LRFN5: variants seen among roughly 807,000 people sequenced by gnomAD.
LRFN5 encodes the protein leucine rich repeat and fibronectin type III domain containing 5, also known as leucine-rich repeat and fibronectin type-III domain-containing protein 5.
LRFN5 carries 24 observed loss-of-function variants against 45.6 expected under a neutral mutation model. The observed-to-expected ratio is 0.53, with a 90% CI of 0.38 to 0.74. The LOEUF is 0.74. LRFN5 is among the 30% of genes least tolerant of loss of function. The pLI is 0.00. For missense variants in LRFN5, 776 were observed against 861.5 expected, an observed-to-expected ratio of 0.90 and a Z score of 1.24; for synonymous variants, 340 against 313.8, an observed-to-expected ratio of 1.08 and a Z score of -0.88.
At chr14:41,669,805 A>G (rs1881079505) in intron 1 of LRFN5, among the ~76,000 whole-genome samples, 1 of 151,226 alleles carries the variant, frequency 6.6e-6, no homozygotes, top group Non-Finnish European at 1.5e-5. Flanking sequence ...TTAAATTTCC[A>G]TAGTATTTGA....
At chr14:41,897,850 A>G (rs562163541) in intron 4 of LRFN5, among the ~76,000 whole-genome samples, 1 of 152,202 alleles carries the variant, frequency 6.6e-6, no homozygotes, top group African/African-American at 2.4e-5. Context: ...CATTTAATGT[A>G]CTTGTGCTTG....
chr14:41,625,559 A>G (rs1364022817), intron 1 of LRFN5, among the ~76,000 whole-genome samples: 1 of 152,212 alleles, frequency 6.6e-6, no homozygotes, highest in African/African-American at 2.4e-5. Flanking sequence ...TATTAGAAGT[A>G]ATAGTATACA....
chr14:41,723,508 A>G (rs1883809241), intron 1 of LRFN5, among the ~76,000 whole-genome samples: 1 of 152,170 alleles, frequency 6.6e-6, no homozygotes, highest in Non-Finnish European at 1.5e-5. Context: ...CTGCTAGTTC[A>G]TGTTAGCGGA....
At chr14:41,673,132 G>A (rs563898373) in intron 1 of LRFN5, among the ~76,000 whole-genome samples, 1 of 152,096 alleles carries the variant, frequency 6.6e-6, no homozygotes, top group South Asian at 2.1e-4. Flanking sequence ...CACAGACACG[G>A]CAACCATCCG....
intron 1 of LRFN5, among the ~76,000 whole-genome samples, chr14:41,714,223 A>G (rs1883395968): frequency 6.6e-6 from 1 of 152,170 alleles, no homozygotes; most frequent in Admixed American, 6.5e-5. Context: ...CTTGAGAATC[A>G]TAATTATCAT....
chr14:41,844,758 A>ATTTCACAG (rs1315420339), intron 2 of LRFN5, among the ~76,000 whole-genome samples: 3 of 152,186 alleles, frequency 2.0e-5, no homozygotes, highest in Non-Finnish European at 4.4e-5. Context: ...CATTCACAGA[A>ATTTCACAG]TTTCACAGTT....
At chr14:41,809,294 A>G (rs893551398) in intron 2 of LRFN5, among the ~76,000 whole-genome samples, 5 of 152,108 alleles carry the variant, frequency 3.3e-5, no homozygotes, top group African/African-American at 1.2e-4. Context: ...AGTGACTATA[A>G]CAATTTGTTT....
Position 41,867,022 on chromosome 14 carries a change from C to T in LRFN5, c.-20-19584C>T, listed in dbSNP as rs528469374. On this transcript the variant is annotated intron_variant, in intron 2 of 5. Transcript: ENST00000298119. ...AGTGAGATACACAGTCTACAAATCA[C>T]GAAGAACTGTCTTCCAAAACTACAC... 3.8e-4 allele frequency among the ~76,000 whole-genome samples: 58 copies of T among 152,122 alleles called. 2 individuals carry two copies. In the South Asian group the frequency reaches 0.01, roughly 27 times the overall value.
chr14:41,708,559 G>C (rs912121401), intron 1 of LRFN5, among the ~76,000 whole-genome samples: 10 of 151,876 alleles, frequency 6.6e-5, no homozygotes, highest in African/African-American at 2.4e-4. Flanking sequence ...TTCTAATCAA[G>C]ATTCAAATAA....
intron 3 of LRFN5, among the ~76,000 whole-genome samples, chr14:41,888,402 A>G (rs889062412): frequency 1.3e-5 from 2 of 152,144 alleles, no homozygotes; most frequent in Admixed American, 6.5e-5. Flanking sequence ...TGCTCAAAGC[A>G]CTTTTGGAAT....
chr14:41,660,928 A>T (rs184038555), intron 1 of LRFN5, among the ~76,000 whole-genome samples: 3 of 151,592 alleles, frequency 2.0e-5, no homozygotes, highest in Non-Finnish European at 4.4e-5. Flanking sequence ...TTCTCTACCT[A>T]ATTTTAGTTA....
At chr14:41,631,775 G>A (rs1888542834) in intron 1 of LRFN5, among the ~76,000 whole-genome samples, 1 of 152,144 alleles carries the variant, frequency 6.6e-6, no homozygotes, top group Admixed American at 6.5e-5. Context: ...TGGGGCAGAA[G>A]CAAGCTTAGC....
At chr14:41,890,312 G>A (rs1169050077) in intron 3 of LRFN5, among the ~76,000 whole-genome samples, 1 of 152,118 alleles carries the variant, frequency 6.6e-6, no homozygotes, top group Non-Finnish European at 1.5e-5. Context: ...ATGTTTCTAG[G>A]ATAATATTAC....
chr14:41,742,304 G>A (rs1453571668), intron 1 of LRFN5, among the ~76,000 whole-genome samples: 1 of 110,516 alleles, frequency 9.0e-6, no homozygotes, highest in Admixed American at 1.1e-4. Flanking sequence ...AAGAAAATGT[G>A]GTGTGTATAC....
intron 1 of LRFN5, among the ~76,000 whole-genome samples, chr14:41,635,908 T>C (rs1879285134): frequency 6.6e-6 from 1 of 152,150 alleles, no homozygotes; most frequent in African/African-American, 2.4e-5. Flanking sequence ...CCATTCTAAA[T>C]TTGCATACTT....
chr14:41,845,909 C>A (rs1594460400), intron 2 of LRFN5, among the ~76,000 whole-genome samples: 2 of 152,144 alleles, frequency 1.3e-5, no homozygotes, highest in African/African-American at 4.8e-5. Context: ...TCCCTGCATT[C>A]CAGAGCTAAA....
At chr14:41,825,740 T>C (rs1888270905) in intron 2 of LRFN5, among the ~76,000 whole-genome samples, 1 of 152,112 alleles carries the variant, frequency 6.6e-6, no homozygotes. Context: ...ACCTCAGCCT[T>C]GGTTTGGGGG....
intron 2 of LRFN5, among the ~76,000 whole-genome samples, chr14:41,787,471 ATTG>A (rs1267880145): frequency 1.3e-5 from 2 of 151,478 alleles, no homozygotes; most frequent in Admixed American, 6.6e-5. Context: ...TACTGTGCCA[ATTG>A]TTGTCTCATG....
At chr14:41,647,189 T>C (rs1211144467) in intron 1 of LRFN5, among the ~76,000 whole-genome samples, 1 of 152,168 alleles carries the variant, frequency 6.6e-6, no homozygotes, top group Non-Finnish European at 1.5e-5. Context: ...TTGGATAACA[T>C]ACATAGATTT....
Sources: allele counts gnomAD v4.1 joint callset (sites outside exome capture counted in the v4.1 genomes callset), GRCh38; gene constraint gnomAD v4.1.1; transcripts MANE v1.5; gene names NCBI Gene and HGNC (gene_info 2026-07-23, HGNC 2026-07-21).